Variants in TYW1B observed in about 807,000 individuals in gnomAD.
TYW1B encodes tRNA-yW synthesizing protein 1 homolog B.
TYW1B carries 73 observed loss-of-function variants against 86.9 expected under a neutral mutation model. That is an observed-to-expected ratio of 0.84 (90% CI 0.70 to 1.02). TYW1B has a LOEUF of 1.02. TYW1B is among the 50% of genes least tolerant of loss of function. TYW1B has a pLI of 0.00. For synonymous variants in TYW1B, 248 were observed against 292.8 expected (o/e 0.85, Z 1.56); for missense variants, 637 against 827.4 (o/e 0.77, Z 2.82).
At chr7:72,746,038 A>AT (rs1554463769) in intron 7 of TYW1B, among the ~76,000 whole-genome samples, 1 of 151,816 alleles carries the variant, frequency 6.6e-6, no homozygotes, top group East Asian at 1.9e-4. Context: ...TAGTATTTGT[A>AT]TTTTTTGTAG....
chr7:72,729,755 C>T (rs1787070573), intron 8 of TYW1B, among the ~76,000 whole-genome samples: 1 of 152,064 alleles, frequency 6.6e-6, no homozygotes, highest in Non-Finnish European at 1.5e-5. Flanking sequence ...CCTACAGGCC[C>T]CTCAAGGCCC....
At chr7:72,822,149 T>A (rs1372386924) in intron 2 of TYW1B, among the ~76,000 whole-genome samples, 13 of 83,166 alleles carry the variant, frequency 1.6e-4, no homozygotes, top group Admixed American at 3.7e-4. Flanking sequence ...GGTGACAGAG[T>A]AAGACCCTGT....
At chr7:72,681,938 C>T (rs1282248093) in intron 11 of TYW1B, among the ~76,000 whole-genome samples, 8 of 151,292 alleles carry the variant, frequency 5.3e-5, no homozygotes, top group Non-Finnish European at 1.0e-4. Flanking sequence ...AGTGCAGTGA[C>T]GCAATCTCGG....
Position 72,651,880 on chromosome 7 carries a change from G to A in TYW1B, c.1507-22883C>T, listed in dbSNP as rs144084066. ...TAGACACATGTAATAAAAATATTCA[G>A]AGTTGCAATGTTCATAATAGACACA... is the stretch of plus-strand genomic sequence containing the variant. On this transcript the variant is annotated intron_variant, in intron 11 of 13. Coordinates refer to ENST00000620995, the MANE Select transcript of TYW1B (RefSeq NM_001145440.3). Among the ~76,000 whole-genome samples, 905 of 152,204 alleles carry A rather than the reference G, an allele frequency of 5.9e-3. 11 individuals carry two copies. The highest frequency in any genetic ancestry group is 0.021 in the African/African-American group (860 of 41,548).
chr7:72,759,539 G>A (rs1327117485), intron 7 of TYW1B, among the ~76,000 whole-genome samples: 1 of 152,146 alleles, frequency 6.6e-6, no homozygotes, highest in African/African-American at 2.4e-5. Flanking sequence ...TTCAATTGAT[G>A]GGCAAATTAC....
intron 1 of TYW1B, 48 bp from the exon 2 acceptor site, chr7:72,827,033 T>C: frequency 1.3e-6 from 2 of 1,556,948 alleles, no homozygotes; most frequent in Non-Finnish European, 1.7e-6. Flanking sequence ...AAGCTACATA[T>C]ACAAAGATAT....
At chr7:72,611,681 T>C (rs1306817796) in intron 13 of TYW1B, among the ~76,000 whole-genome samples, 2 of 152,202 alleles carry the variant, frequency 1.3e-5, no homozygotes, top group African/African-American at 4.8e-5. Context: ...GACCATTGTT[T>C]ACTCATCTTT....
chr7:72,657,159 T>C (rs1300841999), intron 11 of TYW1B, among the ~76,000 whole-genome samples: 1 of 152,022 alleles, frequency 6.6e-6, no homozygotes, highest in Non-Finnish European at 1.5e-5. Context: ...TATCCTAAAA[T>C]AGAACCAAAT....
chr7:72,598,732 G>A (rs71252139), intron 13 of TYW1B, among the ~76,000 whole-genome samples: 1 of 150,878 alleles, frequency 6.6e-6, no homozygotes, highest in African/African-American at 2.4e-5. Flanking sequence ...TTAATTTTGT[G>A]TTGAGAATTT....
chr7:72,779,142 G>A (rs535885320), intron 6 of TYW1B, among the ~76,000 whole-genome samples: 15 of 152,264 alleles, frequency 9.9e-5, no homozygotes, highest in Non-Finnish European at 2.1e-4. Context: ...CCCACCCTTG[G>A]TCCCTGTCTA....
At chr7:72,610,358 C>T (rs1456849180) in intron 13 of TYW1B, among the ~76,000 whole-genome samples, 13 of 152,230 alleles carry the variant, frequency 8.5e-5, no homozygotes, top group South Asian at 4.1e-4. Flanking sequence ...ACCGAGTCAA[C>T]CCATTCACTC....
At chr7:72,753,053 AG>A (rs1787527836) in intron 7 of TYW1B, among the ~76,000 whole-genome samples, 1 of 152,140 alleles carries the variant, frequency 6.6e-6, no homozygotes, top group South Asian at 2.1e-4. Flanking sequence ...AAAACAAATC[AG>A]GCATTTATCA....
chr7:72,625,208 T>G (rs1812315622), intron 12 of TYW1B, among the ~76,000 whole-genome samples: 1 of 152,158 alleles, frequency 6.6e-6, no homozygotes, highest in South Asian at 2.1e-4. Flanking sequence ...TCACATAAAA[T>G]TTTTCATCTC....
chr7:72,670,900 A>G (rs1262793262), intron 11 of TYW1B, among the ~76,000 whole-genome samples: 6 of 152,226 alleles, frequency 3.9e-5, no homozygotes, highest in Non-Finnish European at 5.9e-5. Flanking sequence ...ATAAATATAC[A>G]CGATGTATTT....
rs1262349249 is a variant in TYW1B, at chr7:72,717,814, C to T, written c.1193-4016G>A. Among the ~76,000 whole-genome samples the T allele has an allele frequency of 5.3e-5, 8 of 152,266 alleles. No individual in the cohort carries two copies. In the East Asian group the frequency reaches 1.5e-3, roughly 29 times the overall value. ...ACTTACAATGGGATATCATCTCATA[C>T]TAGTCAGAATGGCTATTATTAGAGC... On this transcript the variant is annotated intron_variant, in intron 9 of 13. Transcript: ENST00000620995.
At chr7:72,816,836 A>AAC (rs1280001371) in intron 2 of TYW1B, among the ~76,000 whole-genome samples, 12 of 152,196 alleles carry the variant, frequency 7.9e-5, no homozygotes, top group African/African-American at 2.4e-4. Context: ...CACGGCCAGA[A>AAC]ACGGCCTGGA....
chr7:72,601,194 C>T (rs1811657088), intron 13 of TYW1B, among the ~76,000 whole-genome samples: 1 of 151,478 alleles, frequency 6.6e-6, no homozygotes. Context: ...AAAATGGGCA[C>T]AAGATCTGAG....
chr7:72,697,804 C>T (rs1183248676), intron 10 of TYW1B: 6 of 152,402 alleles, frequency 3.9e-5, no homozygotes, highest in Non-Finnish European at 8.8e-5. Flanking sequence ...GATGTGAGTA[C>T]TGTAAGGACC....
intron 7 of TYW1B, among the ~76,000 whole-genome samples, chr7:72,763,535 G>T (rs1554467719): frequency 1.3e-5 from 2 of 152,040 alleles, no homozygotes; most frequent in Admixed American, 1.3e-4. Flanking sequence ...ACCCGCCTCG[G>T]CCTCCCAAAG....
Sources: allele counts gnomAD v4.1 joint callset (sites outside exome capture counted in the v4.1 genomes callset), GRCh38; gene constraint gnomAD v4.1.1; transcripts MANE v1.5; gene names NCBI Gene and HGNC (gene_info 2026-07-23, HGNC 2026-07-21).